Variants in THRA observed in about 807,000 individuals in gnomAD.
THRA encodes EAR-7.
THRA carries 13 observed loss-of-function variants against 45.0 expected under a neutral mutation model. The observed-to-expected ratio is 0.29, with a 90% CI of 0.19 to 0.46. THRA has a LOEUF of 0.46. THRA is among the 20% of genes least tolerant of loss of function. THRA has a pLI of 1.00. For synonymous variants in THRA, 195 were observed against 214.0 expected (o/e 0.91, Z 0.78); for missense variants, 278 against 556.1 (o/e 0.50, Z 5.03).
chr17:40,077,982 T>C (rs982402377), intron 4 of THRA, among the ~76,000 whole-genome samples: 1 of 152,170 alleles, frequency 6.6e-6, no homozygotes, highest in Non-Finnish European at 1.5e-5. Flanking sequence ...CAGGCATACC[T>C]GCCTGGTTAC....
At chr17:40,087,185 G>C (rs1452379811) in intron 7 of THRA, among the ~76,000 whole-genome samples, 1 of 118,678 alleles carries the variant, frequency 8.4e-6, no homozygotes, top group Non-Finnish European at 1.8e-5. Context: ...AACACACACA[G>C]ACATATACAC....
chr17:40,070,543 G>T (rs1212871656), intron 1 of THRA, among the ~76,000 whole-genome samples: 1 of 152,178 alleles, frequency 6.6e-6, no homozygotes, highest in Non-Finnish European at 1.5e-5. Flanking sequence ...GGCATGGGGG[G>T]CAGTGCTGCC....
Position 40,086,861 on chromosome 17 carries a change from G to A in THRA, c.723+8G>A, listed in dbSNP as rs1987337282. The A allele has an allele frequency of 1.9e-6, 3 of 1,613,820 alleles. No individual in the cohort carries two copies. The highest frequency in any genetic ancestry group is 8.5e-7 in the Non-Finnish European group (1 of 1,179,946). On this transcript the variant is annotated splice_region_variant and intron_variant, in intron 7 of 8. Transcript: ENST00000450525. ...CTGCCCATGTTCTCCGAGGTGAGTG[G>A]CAGAAGTGGGGAGAGATGTGATGCT...
chr17:40,086,925 A>T, intron 7 of THRA, 72 bp downstream of exon 7: 1 of 1,591,996 alleles, frequency 6.3e-7, no homozygotes, highest in South Asian at 1.1e-5. Flanking sequence ...CACCCAGTAC[A>T]GGCTCATCTG....
chr17:40,080,881 C>T (rs1312672730), intron 4 of THRA, among the ~76,000 whole-genome samples: 2 of 151,980 alleles, frequency 1.3e-5, no homozygotes, highest in Non-Finnish European at 2.9e-5. Context: ...TGCCACCTCA[C>T]CTGGCTAATT....
Position 40,089,608 on chromosome 17 carries a change from C to T in THRA, c.*152C>T. On this transcript the variant is annotated 3_prime_UTR_variant, in exon 9 of 9. Coordinates refer to ENST00000450525, the MANE Select transcript of THRA (RefSeq NM_199334.5). This position sits in a 1 kb window ranked among gnomAD's most constrained non-coding sequence, Gnocchi z 6.1. ...AGCTCCCACACACACACCCGCACTG[C>T]CCAGGTCCCTCCTCAGACCTCCAGC... The T allele has an allele frequency of 6.9e-7, 1 of 1,440,844 alleles. No individual in the cohort carries two copies. The highest frequency in any genetic ancestry group is 2.5e-5 in the East Asian group (1 of 40,222). The allele number at this position is 1,440,844 out of a possible 1,614,324, so 89.3% of individuals were successfully genotyped here.
At chr17:40,068,178 G>A (rs9913540) in intron 1 of THRA, among the ~76,000 whole-genome samples, 3 of 152,094 alleles carry the variant, frequency 2.0e-5, no homozygotes, top group Non-Finnish European at 4.4e-5. Flanking sequence ...GGAGTTGGGA[G>A]GCCTGGCTGT....
chr17:40,093,823 G>T, downstream of THRA: 1 of 1,189,180 alleles, frequency 8.4e-7, no homozygotes, highest in African/African-American at 1.5e-5. The surrounding 1 kb of genome is among the most constrained non-coding windows in gnomAD (Gnocchi z 5.9). Flanking sequence ...CCGGTGCAGG[G>T]CCTGGCATAG....
chr17:40,092,904 TG>T lies in THRA; in HGVS notation c.*3453del. 7.1e-7 allele frequency: 1 copy of T among 1,407,892 alleles called. No homozygotes were observed. Among genetic ancestry groups the T allele is most frequent in the Non-Finnish European group, 9.5e-7 (1 of 1,054,168 alleles). The allele number at this position is 1,407,892 out of a possible 1,614,324, so 87.2% of individuals were successfully genotyped here. On this transcript the variant is annotated 3_prime_UTR_variant, in exon 9 of 9. Transcript: ENST00000450525. Reference sequence around the variant, plus strand: ...TAGGGGAGGAGGGGAAGTTCGGTGATGGGGGAGGGAGGCAGGTATTTACAAG... The same window carrying T: ...TAGGGGAGGAGGGGAAGTTCGGTGATGGGGAGGGAGGCAGGTATTTACAAG...
chr17:40,076,652 A>G (rs951307267), intron 2 of THRA, among the ~76,000 whole-genome samples: 1 of 152,102 alleles, frequency 6.6e-6, no homozygotes, highest in Non-Finnish European at 1.5e-5. Context: ...GGGCTCTAGA[A>G]TATGCTTGTG....
chr17:40,065,781 G>C (rs1009265920), intron 1 of THRA, among the ~76,000 whole-genome samples: 71 of 151,808 alleles, frequency 4.7e-4, no homozygotes, highest in Non-Finnish European at 7.1e-4. Flanking sequence ...AAGGGGGGGG[G>C]GGTCAGCCAC....
intron 8 of THRA, among the ~76,000 whole-genome samples, chr17:40,088,767 A>G (rs1187061067): frequency 6.7e-6 from 1 of 148,500 alleles, no homozygotes; most frequent in East Asian, 2.0e-4. Flanking sequence ...TGTCACTCAC[A>G]TTCCCCTTTG....
rs1051266228 is a variant in THRA at position 40,064,382 on chromosome 17, GTCAC to G, written c.-298+1295_-298+1298del. 5.4e-4 allele frequency among the ~76,000 whole-genome samples: 82 copies of G among 152,308 alleles called. 1 individual carries two copies. Among genetic ancestry groups the G allele is most frequent in the African/African-American group, 1.7e-3 (70 of 41,574 alleles). On this transcript the variant is annotated intron_variant, in intron 1 of 8. Coordinates refer to ENST00000450525, the MANE Select transcript of THRA (RefSeq NM_199334.5). ...CAGCAGCACAATTACAAAAGACCCTGTCACTCACAGGCACACACGTGCTCGCATG... is the reference window on the plus strand; with the variant it reads ...CAGCAGCACAATTACAAAAGACCCTGTCACAGGCACACACGTGCTCGCATG...
In THRA at chr17:40,087,244, GCACA is replaced by G. The variant is rs368703669; in HGVS notation, c.723+405_723+408del. On this transcript the variant is annotated intron_variant, in intron 7 of 8. Transcript: ENST00000450525. The stretch of plus-strand genomic sequence containing the variant: ...ACACAGACACACACCCAGCACACAG[GCACA>G]CACACACACACACCTAGCACACAGC... 6.7e-3 allele frequency among the ~76,000 whole-genome samples: 474 copies of G among 71,044 alleles called. 1 individual carries two copies. In the Middle Eastern group the frequency reaches 0.13, roughly 20 times the overall value. The allele number at this position is 71,044 out of a possible 152,430, so 46.6% of individuals were successfully genotyped here. A position where few individuals can be genotyped will look rare whatever the true frequency, so the allele number is the denominator to read the frequency against.
chr17:40,089,736 A>G lies in THRA; in HGVS notation c.*280A>G. On this transcript the variant is annotated 3_prime_UTR_variant, in exon 9 of 9. Coordinates refer to ENST00000450525, the MANE Select transcript of THRA (RefSeq NM_199334.5). The surrounding 1 kb of genome is among the most constrained non-coding windows in gnomAD (Gnocchi z 6.1). The stretch of plus-strand genomic sequence containing the variant: ...CCAGGACCCCATCCTCTCAGAAGGT[A>G]GGGGAAGGGCGGGAGGATTGAGAAG... 2 of 1,295,996 alleles carry G rather than the reference A, an allele frequency of 1.5e-6. No homozygotes were observed. Among genetic ancestry groups the G allele is most frequent in the Non-Finnish European group, 2.0e-6 (2 of 1,014,214 alleles). 80.3% of individuals were successfully genotyped at this position (1,295,996 alleles called of 1,614,324 possible).
intron 1 of THRA, among the ~76,000 whole-genome samples, chr17:40,072,440 G>A (rs945170792): frequency 2.0e-5 from 3 of 152,154 alleles, no homozygotes; most frequent in Admixed American, 1.3e-4. Flanking sequence ...CTGGCGAGTG[G>A]ATTTTTCCAG....
Position 40,089,654 on chromosome 17 carries a change from T to G in THRA, c.*198T>G. 7.0e-7 allele frequency: 1 copy of G among 1,420,656 alleles called. No homozygotes were observed. Among genetic ancestry groups the G allele is most frequent in the Non-Finnish European group, 9.2e-7 (1 of 1,090,302 alleles). The allele number at this position is 1,420,656 out of a possible 1,614,324, so 88.0% of individuals were successfully genotyped here. On this transcript the variant is annotated 3_prime_UTR_variant, in exon 9 of 9. Coordinates refer to ENST00000450525, the MANE Select transcript of THRA (RefSeq NM_199334.5). The surrounding 1 kb of genome is among the most constrained non-coding windows in gnomAD (Gnocchi z 6.1). ...CCAGCCCTGGGACAGGGCAAACAAC[T>G]GAACTTGCTATGGAAAGGACAGTGT... is the stretch of plus-strand genomic sequence containing the variant.
intron 4 of THRA, among the ~76,000 whole-genome samples, chr17:40,077,949 A>G (rs563092695): frequency 1.3e-5 from 2 of 152,238 alleles, no homozygotes; most frequent in African/African-American, 4.8e-5. Flanking sequence ...CACCCGTCTC[A>G]GCCTCCTGAA....
chr17:40,073,129 G>T (rs1248615962), intron 1 of THRA, among the ~76,000 whole-genome samples: 1 of 152,194 alleles, frequency 6.6e-6, no homozygotes, highest in Non-Finnish European at 1.5e-5. Flanking sequence ...GGGCCTAGGG[G>T]TGAGGTCTCC....
Sources: allele counts gnomAD v4.1 joint callset (sites outside exome capture counted in the v4.1 genomes callset), GRCh38; gene constraint gnomAD v4.1.1; non-coding constraint Gnocchi (gnomAD v3.1); transcripts MANE v1.5; gene names NCBI Gene and HGNC (gene_info 2026-07-23, HGNC 2026-07-21).